Variants in IMPA1 observed in about 807,000 individuals in gnomAD.
The protein encoded by IMPA1 is D-galactose 1-phosphate phosphatase.
A neutral mutation model predicts 34.9 loss-of-function variants in IMPA1; 21 were observed. That is an observed-to-expected ratio of 0.60 (90% confidence interval 0.43 to 0.87). IMPA1 has a LOEUF of 0.87. IMPA1 is among the 40% of genes least tolerant of loss of function. The pLI, the probability that IMPA1 is intolerant of heterozygous loss-of-function variation, is 0.00. For missense variants in IMPA1, 299 were observed against 336.4 expected (o/e 0.89, Z 0.87); for synonymous variants, 95 against 104.4 (o/e 0.91, Z 0.55).
At chr8:81,663,908 G>T (rs2737037) in intron 7 of IMPA1, among the ~76,000 whole-genome samples, 4 of 151,910 alleles carry the variant, frequency 2.6e-5, no homozygotes, top group Non-Finnish European at 5.9e-5. Context: ...GCGTGGTGGC[G>T]GGCACCTGTA....
chr8:81,684,874 A>C (rs1305743635), intron 1 of IMPA1, among the ~76,000 whole-genome samples: 1 of 127,492 alleles, frequency 7.8e-6, no homozygotes, highest in African/African-American at 3.1e-5. Flanking sequence ...GTATATTTAG[A>C]TACTATGTAT....
intron 7 of IMPA1, among the ~76,000 whole-genome samples, chr8:81,669,203 A>G (rs1393664852): frequency 6.6e-6 from 1 of 152,106 alleles, no homozygotes; most frequent in Non-Finnish European, 1.5e-5. Context: ...CCAGGAAGTA[A>G]GGCCACCACA....
intron 1 of IMPA1, among the ~76,000 whole-genome samples, chr8:81,684,276 CATAAGT>C (rs1807400661): frequency 7.1e-6 from 1 of 141,302 alleles, no homozygotes; most frequent in Non-Finnish European, 1.5e-5. Context: ...GTATACCATA[CATAAGT>C]ATATTTAGAT....
At position 81,680,731 on chromosome 8, in the gene IMPA1, G is replaced by A; in HGVS notation, c.116C>T (p.Pro39Leu). 1.2e-6 allele frequency: 2 copies of A among 1,610,572 alleles called. No homozygotes were observed. Among genetic ancestry groups the A allele is most frequent in the Non-Finnish European group, 1.7e-6 (2 of 1,176,940 alleles). ...GTCCGTAGCAGTTACCAAATCAACT[G>A]GAGAACTTTTCAGCATAACATTCAT... Reference protein sequence around the residue: ...NEMNVMLKSSPVDLVTATDQK... With the variant: ...NEMNVMLKSSLVDLVTATDQK... The change falls in exon 3 of 9, where the codon CCA becomes CTA. Residue 39 changes from proline to leucine, a missense_variant. Physicochemically the swap from Pro to Leu is moderately conservative, Grantham distance 98 (BLOSUM62 -3). Coordinates refer to ENST00000256108, the MANE Select transcript of IMPA1 (RefSeq NM_005536.4).
chr8:81,667,846 T>C (rs1256979808), intron 7 of IMPA1, among the ~76,000 whole-genome samples: 2 of 150,580 alleles, frequency 1.3e-5, no homozygotes, highest in East Asian at 2.0e-4. Flanking sequence ...TTTTTTGAGA[T>C]GGAGTCTCAC....
intron 7 of IMPA1, among the ~76,000 whole-genome samples, chr8:81,669,091 C>T (rs994509598): frequency 6.6e-6 from 1 of 152,172 alleles, no homozygotes; most frequent in African/African-American, 2.4e-5. Context: ...TCCTCAGAAG[C>T]CTGGGAGCCA....
At chr8:81,664,973 C>T (rs1806778709) in intron 7 of IMPA1, among the ~76,000 whole-genome samples, 1 of 151,156 alleles carries the variant, frequency 6.6e-6, no homozygotes, top group African/African-American at 2.4e-5. Flanking sequence ...CTATCTACAA[C>T]CAGCAGGTAT....
Position 81,685,828 on chromosome 8 carries a change from T to C in IMPA1, c.-25+424A>G, listed in dbSNP as rs142875760. ...GCTGTTTCTGTCCTGGTCACAGCCT[T>C]CCAGCGTAGGAGCCAGGCCACCTTC... On this transcript the variant is annotated intron_variant, in intron 1 of 8. Transcript: ENST00000256108. 1.5e-3 allele frequency: 2,379 copies of C among 1,551,048 alleles called. 27 individuals are homozygous for C. In the African/African-American group the frequency reaches 0.026, roughly 17 times the overall value.
Position 81,666,650 on chromosome 8 carries a change from G to T in IMPA1, c.566+4289C>A, listed in dbSNP as rs188834460. Among the ~76,000 whole-genome samples, 633 of 152,176 alleles carry T rather than the reference G, an allele frequency of 4.2e-3. 7 individuals are homozygous for T. Among genetic ancestry groups the T allele is most frequent in the African/African-American group, 0.015 (617 of 41,534 alleles). On this transcript the variant is annotated intron_variant, in intron 7 of 8. Coordinates refer to ENST00000256108, the MANE Select transcript of IMPA1 (RefSeq NM_005536.4). ...GAACTTTGGGAGGCAGAGGTGGGTG[G>T]ATCACTTGAGGTCAGGAGTTCCAGA...
At chr8:81,679,320 T>C in intron 3 of IMPA1, 90 bp from the exon 4 acceptor site, 1 of 901,984 alleles carries the variant, frequency 1.1e-6, no homozygotes, top group South Asian at 1.4e-5. Flanking sequence ...CAGAGTACTA[T>C]AAAACATAGC....
chr8:81,671,546 G>A (rs780354953), intron 6 of IMPA1, among the ~76,000 whole-genome samples: 2 of 152,156 alleles, frequency 1.3e-5, no homozygotes, highest in African/African-American at 2.4e-5. Flanking sequence ...GGAGATGTAT[G>A]TTCACCAGCT....
At chr8:81,675,910 T>C (rs1807118134) in intron 5 of IMPA1, among the ~76,000 whole-genome samples, 1 of 152,226 alleles carries the variant, frequency 6.6e-6, no homozygotes, top group Non-Finnish European at 1.5e-5. Context: ...AAATCTCACC[T>C]CTTCCACGAA....
At chr8:81,678,079 T>A (rs755605659) in intron 4 of IMPA1, among the ~76,000 whole-genome samples, 1 of 152,200 alleles carries the variant, frequency 6.6e-6, no homozygotes, top group Non-Finnish European at 1.5e-5. Flanking sequence ...TTTTTTAACA[T>A]TGTGGCCTAG....
rs1270304758 is a variant in IMPA1 at position 81,663,760 on chromosome 8, C to T, written c.567-3093G>A. Among the ~76,000 whole-genome samples, 13 of 152,284 alleles carry T rather than the reference C, an allele frequency of 8.5e-5. 1 individual carries two copies. The highest frequency in any genetic ancestry group is 5.8e-4 in the East Asian group (3 of 5,194). On this transcript the variant is annotated intron_variant, in intron 7 of 8. Transcript: ENST00000256108. ...TGGTCAAAGAAATACTATTTAATGGCGGGGCGCAGTGGCTCAGGCCTGTAA... is the reference window on the plus strand; with the variant it reads ...TGGTCAAAGAAATACTATTTAATGGTGGGGCGCAGTGGCTCAGGCCTGTAA...
At chr8:81,669,573 G>C (rs1472879492) in intron 7 of IMPA1, among the ~76,000 whole-genome samples, 1 of 152,204 alleles carries the variant, frequency 6.6e-6, no homozygotes, top group African/African-American at 2.4e-5. Flanking sequence ...GGGAATGCCT[G>C]TCTTATGCCT....
At chr8:81,662,807 C>T (rs1806716594) in intron 7 of IMPA1, among the ~76,000 whole-genome samples, 1 of 152,240 alleles carries the variant, frequency 6.6e-6, no homozygotes. Flanking sequence ...GTTCTCTAAA[C>T]CATGATGTCA....
chr8:81,670,914 G>T, intron 7 of IMPA1, 25 bp downstream of exon 7: 1 of 1,193,768 alleles, frequency 8.4e-7, no homozygotes, highest in South Asian at 1.5e-5. Context: ...CAAAGAGAGA[G>T]ATAGAATAAT....
At position 81,673,842 on chromosome 8, in the gene IMPA1, T is replaced by G; in HGVS notation, c.456A>C (p.Glu152Asp). The G allele has an allele frequency of 6.4e-7, 1 of 1,567,086 alleles. No individual in the cohort carries two copies. Among genetic ancestry groups the G allele is most frequent in the Non-Finnish European group, 8.8e-7 (1 of 1,137,668 alleles). ...ATCAAAAATTGGAATTAATCCTACC[T>G]TCTTGTTGTGAAACTTGTAGTTTTT... is the stretch of plus-strand genomic sequence containing the variant. Reference protein sequence around the residue: ...NGQKLQVSQQEDITKSLLVTE... With the variant: ...NGQKLQVSQQDDITKSLLVTE... The change falls in exon 6 of 9, where the codon GAA (glutamate) becomes GAC (aspartate). Residue 152 changes from glutamate (E) to aspartate (D), a missense_variant and splice_region_variant. Glu to Asp is a conservative substitution (Grantham distance 45). Transcript: ENST00000256108.
chr8:81,672,147 T>A (rs530925786), intron 6 of IMPA1, among the ~76,000 whole-genome samples: 1 of 152,148 alleles, frequency 6.6e-6, no homozygotes, highest in African/African-American at 2.4e-5. Context: ...GGTATAAAAG[T>A]CTAGAAAGAT....
Sources: gnomAD v4.1 joint callset for allele counts (sites outside exome capture counted in the v4.1 genomes callset) on GRCh38, gnomAD v4.1.1 for gene constraint, MANE v1.5 for transcripts, NCBI Gene and HGNC (gene_info 2026-07-23, HGNC 2026-07-21) for gene names.